The following AGBL3 variants were observed in gnomAD, a reference collection of about 807,000 sequenced individuals.
The protein encoded by AGBL3 is AGBL carboxypeptidase 3.
A neutral mutation model predicts 94.5 loss-of-function variants in AGBL3; 68 were observed. The observed-to-expected ratio is 0.72, with a 90% CI of 0.59 to 0.88. The LOEUF (loss-of-function observed/expected upper bound fraction) is 0.88, where lower values mean the gene tolerates loss of function less well. Among genes scored for constraint, AGBL3 ranks in the 40% least tolerant of loss-of-function variants. AGBL3 has a pLI of 0.00. For synonymous variants in AGBL3, 354 were observed against 370.7 expected (o/e 0.95, Z 0.52); for missense variants, 934 against 1,103.8 (o/e 0.85, Z 2.18).
intron 4 of AGBL3, among the ~76,000 whole-genome samples, chr7:134,994,184 CTCTG>C (rs778260833): frequency 6.6e-6 from 1 of 152,158 alleles, no homozygotes; most frequent in Non-Finnish European, 1.5e-5. Context: ...CTTTGTGGCT[CTCTG>C]TCTCTTTCTC....
chr7:135,002,157 C>G (rs1390448825), intron 4 of AGBL3, among the ~76,000 whole-genome samples: 1 of 152,076 alleles, frequency 6.6e-6, no homozygotes, highest in Non-Finnish European at 1.5e-5. Flanking sequence ...AAGACCACCC[C>G]AAGGTTCAAT....
At chr7:135,036,637 G>T (rs1345311298) in intron 7 of AGBL3, among the ~76,000 whole-genome samples, 3 of 152,122 alleles carry the variant, frequency 2.0e-5, no homozygotes, top group Non-Finnish European at 4.4e-5. Flanking sequence ...CCAAGCAAAT[G>T]GTACCAATAT....
chr7:135,061,461 G>T (rs933472733), intron 12 of AGBL3, among the ~76,000 whole-genome samples: 1 of 151,976 alleles, frequency 6.6e-6, no homozygotes, highest in East Asian at 1.9e-4. Flanking sequence ...AAAAATGATT[G>T]CCCAGACCAA....
intron 10 of AGBL3, 50 bp downstream of exon 10, chr7:135,045,624 C>T (rs1181150759): frequency 1.4e-6 from 2 of 1,475,986 alleles, no homozygotes; most frequent in East Asian, 2.5e-5. Context: ...TATCAGATAA[C>T]ATAAGCTGAC....
In AGBL3 at chr7:135,067,436, GCCT is replaced by G. The variant is rs1280722584; in HGVS notation, c.1908+8206_1908+8208del. Among the ~76,000 whole-genome samples, 4 of 152,226 alleles carry G rather than the reference GCCT, an allele frequency of 2.6e-5. No homozygotes were observed. In the East Asian group the frequency reaches 7.7e-4, roughly 29 times the overall value. On this transcript the variant is annotated intron_variant, in intron 12 of 16. Coordinates refer to ENST00000436302, the MANE Select transcript of AGBL3 (RefSeq NM_178563.4). ...CTGGAGATCTGAGAACGAGCAGACTGCCTCCTCAAGTGGGTCCCTGACCCCCGA... is the reference window on the plus strand; with the variant it reads ...CTGGAGATCTGAGAACGAGCAGACTGCCTCAAGTGGGTCCCTGACCCCCGA...
At chr7:135,024,975 A>C (rs2116336973) in intron 5 of AGBL3, among the ~76,000 whole-genome samples, 1 of 151,794 alleles carries the variant, frequency 6.6e-6, no homozygotes, top group East Asian at 2.1e-4. Flanking sequence ...GATTATGTAA[A>C]GATTCCAAAC....
At chr7:135,006,604 T>C (rs1048039956) in intron 4 of AGBL3, among the ~76,000 whole-genome samples, 2 of 151,958 alleles carry the variant, frequency 1.3e-5, no homozygotes, top group Non-Finnish European at 2.9e-5. Context: ...TATTCTGCCT[T>C]ATGGAAAATA....
intron 9 of AGBL3, 135 bp from the exon 10 acceptor site, chr7:135,045,339 C>T: frequency 1.5e-6 from 1 of 686,728 alleles, no homozygotes; most frequent in East Asian, 2.7e-5. Context: ...GTTAAATGAC[C>T]TGTCCTGAAG....
At chr7:135,017,746 A>G (rs1813971831) in intron 5 of AGBL3, among the ~76,000 whole-genome samples, 1 of 152,192 alleles carries the variant, frequency 6.6e-6, no homozygotes, top group Non-Finnish European at 1.5e-5. Context: ...TCCAGGGAGC[A>G]TATGTATTTT....
At chr7:135,023,014 T>C (rs1312998258) in intron 5 of AGBL3, among the ~76,000 whole-genome samples, 1 of 152,214 alleles carries the variant, frequency 6.6e-6, no homozygotes, top group African/African-American at 2.4e-5. Flanking sequence ...TTTTAAATTT[T>C]TGCCCTAGGT....
Position 135,001,973 on chromosome 7 carries a change from A to G in AGBL3, c.310+8295A>G, listed in dbSNP as rs1483685139. Among the ~76,000 whole-genome samples the G allele has an allele frequency of 1.6e-4, 25 of 152,182 alleles. 1 individual carries two copies. The highest frequency in any genetic ancestry group is 1.6e-3 in the Admixed American group (25 of 15,276). On this transcript the variant is annotated intron_variant, in intron 4 of 16. Transcript: ENST00000436302. ...CTTTTACTTCTAGTAACTGATTGCA[A>G]CACAGCTGCTACTTCACACCATGGG...
intron 15 of AGBL3, among the ~76,000 whole-genome samples, chr7:135,082,161 A>T (rs1820974365): frequency 6.6e-6 from 1 of 152,176 alleles, no homozygotes; most frequent in Non-Finnish European, 1.5e-5. Flanking sequence ...GTTTACTTTC[A>T]ATAAACTTTA....
chr7:135,081,248 A>G (rs1369863380), intron 14 of AGBL3, among the ~76,000 whole-genome samples: 2 of 152,118 alleles, frequency 1.3e-5, no homozygotes, highest in East Asian at 1.9e-4. Context: ...ACGCGTTCCT[A>G]TATTTATCCA....
In AGBL3 at chr7:135,034,329, A is replaced by C; in HGVS notation, c.738A>C (p.Glu246Asp). ...SRGMRPLFYS[E>D]KEAKAHHIGW... ...GTATGCGCCCACTGTTCTATTCTGAAAAAGAGGCCAAGGCTCATCACATTG... is the reference window on the plus strand; with the variant it reads ...GTATGCGCCCACTGTTCTATTCTGACAAAGAGGCCAAGGCTCATCACATTG... Residue 246 changes from glutamate (E) to aspartate (D), a missense_variant, in exon 7 of 17, where the codon GAA (glutamate) becomes GAC (aspartate). Transcript: ENST00000436302. The C allele has an allele frequency of 6.4e-7, 1 of 1,551,708 alleles. No individual in the cohort carries two copies. Among genetic ancestry groups the C allele is most frequent in the Non-Finnish European group, 8.7e-7 (1 of 1,146,968 alleles).
At chr7:135,094,085 A>G (rs956502352) in intron 15 of AGBL3, 5 of 281,140 alleles carry the variant, frequency 1.8e-5, no homozygotes, top group African/African-American at 9.1e-5. Context: ...TATACCATAC[A>G]CTAAAAATAA....
chr7:135,131,719 A>C (rs1828805460), intron 16 of AGBL3, among the ~76,000 whole-genome samples: 1 of 152,080 alleles, frequency 6.6e-6, no homozygotes, highest in Non-Finnish European at 1.5e-5. Flanking sequence ...AATTAATAAA[A>C]TTAAAAACAG....
chr7:135,003,646 TTA>T (rs1227627804), intron 4 of AGBL3, among the ~76,000 whole-genome samples: 3 of 151,678 alleles, frequency 2.0e-5, no homozygotes, highest in African/African-American at 7.2e-5. Context: ...ATCTCCTTTA[TTA>T]TAGTTTTAAT....
intron 15 of AGBL3, among the ~76,000 whole-genome samples, chr7:135,083,647 ACTAT>A (rs1821100446): frequency 6.6e-6 from 1 of 152,170 alleles, no homozygotes; most frequent in Non-Finnish European, 1.5e-5. Flanking sequence ...GAGCAAACTT[ACTAT>A]CTAATTCAAG....
At chr7:135,040,868 G>GCA (rs1554502008) in intron 8 of AGBL3, among the ~76,000 whole-genome samples, 47 of 148,690 alleles carry the variant, frequency 3.2e-4, no homozygotes, top group African/African-American at 8.8e-4. Flanking sequence ...AGTGATCCAT[G>GCA]CACACACACA....
Sources: gnomAD v4.1 joint callset for allele counts (sites outside exome capture counted in the v4.1 genomes callset) on GRCh38, gnomAD v4.1.1 for gene constraint, MANE v1.5 for transcripts, NCBI Gene and HGNC (gene_info 2026-07-23, HGNC 2026-07-21) for gene names.